The following KAZN variants were observed in gnomAD, a reference collection of about 807,000 sequenced individuals.
KAZN encodes kazrin.
KAZN carries 40 observed loss-of-function variants against 87.4 expected under a neutral mutation model. The ratio of observed to expected loss-of-function variants is 0.46; its 90% confidence interval spans 0.36 to 0.60. The LOEUF (loss-of-function observed/expected upper bound fraction) is 0.60. Ranked by LOEUF, KAZN falls within the 20% of genes least tolerant of loss-of-function variation. The pLI is 0.00. For synonymous variants in KAZN, 466 were observed against 458.3 expected (o/e 1.02, Z -0.22); for missense variants, 898 against 1,073.9 (o/e 0.84, Z 2.29).
At chr1:15,048,725 T>TGGTCATGGGTCGTCGGTCCTGGGTCGTC in intron 4 of KAZN, among the ~76,000 whole-genome samples, 1 of 131,990 alleles carries the variant, frequency 7.6e-6, no homozygotes, top group Non-Finnish European at 1.6e-5. Flanking sequence ...CCTGGGTCGT[T>TGGTCATGGGTCGTCGGTCCTGGGTCGTC]GGTCATGGGT....
intron 1 of KAZN, among the ~76,000 whole-genome samples, chr1:14,088,556 C>G (rs540131653): frequency 2.0e-5 from 3 of 152,024 alleles, no homozygotes; most frequent in Admixed American, 6.5e-5. Flanking sequence ...ATCCAGAATA[C>G]GATCTATTTT....
chr1:14,625,064 G>A (rs1216523729), intron 1 of KAZN, among the ~76,000 whole-genome samples: 1 of 152,124 alleles, frequency 6.6e-6, no homozygotes, highest in South Asian at 2.1e-4. Context: ...ATTTCTAAGA[G>A]AACTATGTGA....
At chr1:14,129,730 A>G (rs1357795898) in intron 1 of KAZN, among the ~76,000 whole-genome samples, 3 of 152,196 alleles carry the variant, frequency 2.0e-5, no homozygotes, top group East Asian at 3.8e-4. Context: ...GAGCCATCAC[A>G]TGGAAAAACA....
At chr1:14,464,112 A>G (rs545497912) in intron 2 of KAZN, among the ~76,000 whole-genome samples, 3 of 152,228 alleles carry the variant, frequency 2.0e-5, no homozygotes, top group South Asian at 4.1e-4. Flanking sequence ...GGGATCTTTC[A>G]GAACATTAAT....
At chr1:14,648,962 C>T (rs1467935669) in intron 1 of KAZN, among the ~76,000 whole-genome samples, 1 of 152,158 alleles carries the variant, frequency 6.6e-6, no homozygotes, top group Non-Finnish European at 1.5e-5. Context: ...TTTAAGCTGG[C>T]AGCAAAGGAA....
At chr1:15,073,868 G>A (rs1639623646) in intron 8 of KAZN, among the ~76,000 whole-genome samples, 1 of 152,232 alleles carries the variant, frequency 6.6e-6, no homozygotes, top group Non-Finnish European at 1.5e-5. Flanking sequence ...CTGGGGGCAA[G>A]TCAGCCCAAG....
intron 2 of KAZN, among the ~76,000 whole-genome samples, chr1:14,240,823 T>G (rs1183351786): frequency 1.3e-5 from 2 of 152,244 alleles, no homozygotes; most frequent in Non-Finnish European, 2.9e-5. Context: ...GATTTCAGAA[T>G]GTTCCACTTC....
chr1:14,252,797 A>C (rs1236844486), intron 2 of KAZN, among the ~76,000 whole-genome samples: 5 of 152,142 alleles, frequency 3.3e-5, no homozygotes, highest in African/African-American at 4.8e-5. Flanking sequence ...TAACACAATA[A>C]ATTTATTCTG....
At chr1:14,134,626 A>G (rs1458884449) in intron 1 of KAZN, among the ~76,000 whole-genome samples, 1 of 152,192 alleles carries the variant, frequency 6.6e-6, no homozygotes, top group African/African-American at 2.4e-5. Context: ...AACATCATAC[A>G]GCTACTAAAT....
chr1:14,739,633 A>G (rs1644022898), intron 1 of KAZN, among the ~76,000 whole-genome samples: 1 of 151,814 alleles, frequency 6.6e-6, no homozygotes, highest in Non-Finnish European at 1.5e-5. Flanking sequence ...GACGTTTCAC[A>G]TGACGAGAAG....
At chr1:15,020,573 T>C (rs932182329) in intron 2 of KAZN, among the ~76,000 whole-genome samples, 2 of 152,140 alleles carry the variant, frequency 1.3e-5, no homozygotes, top group Admixed American at 6.5e-5. Flanking sequence ...ACTCGGTCCG[T>C]GTGGCTCTTC....
chr1:14,579,388 G>C (rs1675389031), intron 2 of KAZN, among the ~76,000 whole-genome samples: 1 of 152,144 alleles, frequency 6.6e-6, no homozygotes, highest in Admixed American at 6.6e-5. Context: ...CACTTTGGGA[G>C]GCCAAGGTGG....
At chr1:14,789,545 C>T (rs1645609919) in intron 1 of KAZN, among the ~76,000 whole-genome samples, 1 of 152,002 alleles carries the variant, frequency 6.6e-6, no homozygotes, top group Admixed American at 6.6e-5. Flanking sequence ...CAGTCGGGAC[C>T]CTTCCAGGTT....
At chr1:14,033,052 A>C (rs1641396494) in intron 1 of KAZN, among the ~76,000 whole-genome samples, 1 of 152,160 alleles carries the variant, frequency 6.6e-6, no homozygotes, top group Admixed American at 6.5e-5. Flanking sequence ...CTGTCTGCCT[A>C]ACCCTGTACT....
chr1:14,893,215 A>AT (rs1015985877), intron 1 of KAZN, among the ~76,000 whole-genome samples: 8 of 152,230 alleles, frequency 5.3e-5, no homozygotes, highest in Middle Eastern at 6.8e-3. Context: ...AAAATGCGAA[A>AT]TGTAGCTGGG....
At chr1:14,572,664 T>C (rs1448171601) in intron 2 of KAZN, among the ~76,000 whole-genome samples, 1 of 152,194 alleles carries the variant, frequency 6.6e-6, no homozygotes, top group Non-Finnish European at 1.5e-5. Flanking sequence ...CCTGAAGCTT[T>C]GACCAGGCAG....
chr1:14,012,607 C>A (rs1233151718), intron 1 of KAZN, among the ~76,000 whole-genome samples: 1 of 152,152 alleles, frequency 6.6e-6, no homozygotes, highest in Non-Finnish European at 1.5e-5. Flanking sequence ...GAGTTCAAGA[C>A]CTGCCTGGCC....
chr1:13,951,995 C>T (rs76838733), intron 1 of KAZN, among the ~76,000 whole-genome samples: 14,410 of 152,164 alleles, frequency 0.095, 971 homozygotes, highest in South Asian at 0.23. Context: ...CAGGTCAGGC[C>T]TGTTTGCAGT....
chr1:14,882,874 G>A (rs567610409), intron 1 of KAZN, among the ~76,000 whole-genome samples: 75 of 152,272 alleles, frequency 4.9e-4, no homozygotes, highest in Admixed American at 2.7e-3. Context: ...TTAGACAGAT[G>A]AGGACACCAA....
Sources: allele counts gnomAD v4.1 joint callset (sites outside exome capture counted in the v4.1 genomes callset), GRCh38; gene constraint gnomAD v4.1.1; transcripts MANE v1.5; gene names NCBI Gene and HGNC (gene_info 2026-07-23, HGNC 2026-07-21).